The following SPATA22 variants were observed in gnomAD, a reference collection of about 807,000 sequenced individuals.
SPATA22 encodes spermatogenesis-associated protein 22.
Under a neutral mutation model 47.8 loss-of-function variants are expected in SPATA22, and 29 were observed. The observed-to-expected ratio is 0.61, with a 90% CI of 0.45 to 0.83. The LOEUF (loss-of-function observed/expected upper bound fraction) is 0.83. Among genes scored for constraint, SPATA22 ranks in the 40% least tolerant of loss-of-function variants. SPATA22 has a pLI of 0.00. For missense variants in SPATA22, 410 were observed against 421.7 expected, an observed-to-expected ratio of 0.97 and a Z score of 0.24; for synonymous variants, 133 against 140.9, an observed-to-expected ratio of 0.94 and a Z score of 0.40.
intron 5 of SPATA22, among the ~76,000 whole-genome samples, chr17:3,454,397 C>A (rs1276951163): frequency 7.3e-5 from 11 of 151,622 alleles, no homozygotes; most frequent in African/African-American, 2.7e-4. Context: ...TGTGCTGCAC[C>A]CATTAACTCA....
chr17:3,474,981 A>G (rs2073499930), upstream of SPATA22, among the ~76,000 whole-genome samples: 1 of 152,214 alleles, frequency 6.6e-6, no homozygotes, highest in African/African-American at 2.4e-5. Context: ...GGGGATGTCA[A>G]CACCTAACCC....
At chr17:3,491,877 C>CTTTTTT (rs540965896) in intron 1 of SPATA22, among the ~76,000 whole-genome samples, 4 of 123,056 alleles carry the variant, frequency 3.3e-5, no homozygotes, top group Non-Finnish European at 4.9e-5. Context: ...CTTTTGTTTT[C>CTTTTTT]TTTTTTTTTT....
intron 1 of SPATA22, among the ~76,000 whole-genome samples, chr17:3,484,948 C>T (rs892084113): frequency 6.6e-6 from 1 of 152,158 alleles, no homozygotes; most frequent in Admixed American, 6.5e-5. Flanking sequence ...TGTATGCTTA[C>T]TAAATATTAG....
rs144321760 is a variant in SPATA22 at position 3,483,575 on chromosome 17, T to C, written c.-73-14177A>G. ...CTCAAATATGCGACCACTCGTTCCATAGCCAAGTATCCTGTGGGTAAGTCA... is the reference window on the plus strand; with the variant it reads ...CTCAAATATGCGACCACTCGTTCCACAGCCAAGTATCCTGTGGGTAAGTCA... On this transcript the variant is annotated intron_variant, in intron 1 of 8. Coordinates refer to the SPATA22 transcript ENST00000541913. 7.1e-4 allele frequency: 1,144 copies of C among 1,613,502 alleles called. 1 individual carries two copies. The highest frequency in any genetic ancestry group is 9.2e-4 in the Non-Finnish European group (1,088 of 1,179,482).
In SPATA22 at chr17:3,471,677, C is replaced by T. The variant is rs114929279; in HGVS notation, c.-74+5G>A. 0.04 allele frequency: 39,598 copies of T among 985,324 alleles called. 2,562 individuals carry two copies. The highest frequency in any genetic ancestry group is 0.27 in the African/African-American group (15,232 of 57,238). 61.0% of individuals were successfully genotyped at this position (985,324 alleles called of 1,614,324 possible). ...CGGAGTGGGGGCAGTTTGGTATCAA[C>T]GCACAGTCTTTCCCTTCTAGGCCCT... On this transcript the variant is annotated splice_donor_5th_base_variant and intron_variant, in intron 1 of 8. Transcript: ENST00000572969.
At chr17:3,456,608 C>T (rs1244376419) in intron 5 of SPATA22, among the ~76,000 whole-genome samples, 2 of 152,164 alleles carry the variant, frequency 1.3e-5, no homozygotes, top group Non-Finnish European at 2.9e-5. Flanking sequence ...CAGCCGAATT[C>T]TACCAGAGGT....
At chr17:3,483,642 A>C (rs761939122) in intron 1 of SPATA22, 1 of 1,477,256 alleles carries the variant, frequency 6.8e-7, no homozygotes, top group Middle Eastern at 1.7e-4. Context: ...GTCCTAGCTG[A>C]AACTCAGAGA....
intron 1 of SPATA22, among the ~76,000 whole-genome samples, chr17:3,483,133 ATTGT>A (rs2073662925): frequency 6.6e-6 from 1 of 152,090 alleles, no homozygotes; most frequent in Non-Finnish European, 1.5e-5. Context: ...TAGAAACAGA[ATTGT>A]TTAAGAGACC....
rs1328315558 is a variant in SPATA22 at position 3,471,700 on chromosome 17, C to T, written c.-92G>A. The stretch of plus-strand genomic sequence containing the variant: ...AACGCACAGTCTTTCCCTTCTAGGC[C>T]CTCCTGCCAACACGACACACAACTT... On this transcript the variant is annotated 5_prime_UTR_variant, in exon 1 of 9. Transcript: ENST00000572969. 2.0e-6 allele frequency: 2 copies of T among 985,444 alleles called. No individual in the cohort carries two copies. Among genetic ancestry groups the T allele is most frequent in the African/African-American group, 3.5e-5 (2 of 57,254 alleles). 61.0% of individuals were successfully genotyped at this position (985,444 alleles called of 1,614,324 possible).
In SPATA22 at chr17:3,483,479, A is replaced by ACG. The variant is rs2150748563; in HGVS notation, c.-73-14083_-73-14082dup. ...AACATACGGTTTTTACCTAAGAAAG[A>ACG]CGTTTTTGATTTTTTTCAGACTTCT... is the stretch of plus-strand genomic sequence containing the variant. On this transcript the variant is annotated intron_variant, in intron 1 of 8. Transcript: ENST00000541913. 2 of 1,600,310 alleles carry ACG rather than the reference A, an allele frequency of 1.2e-6. No individual in the cohort carries two copies. Among genetic ancestry groups the ACG allele is most frequent in the Non-Finnish European group, 1.7e-6 (2 of 1,167,564 alleles).
chr17:3,443,546 A>G (rs1191175468), intron 7 of SPATA22, among the ~76,000 whole-genome samples: 2 of 152,032 alleles, frequency 1.3e-5, no homozygotes, highest in Non-Finnish European at 2.9e-5. Context: ...TTTCCTTAGA[A>G]TGTGTAGTAC....
chr17:3,452,287 TAA>T (rs764063365), intron 5 of SPATA22, among the ~76,000 whole-genome samples: 7 of 129,544 alleles, frequency 5.4e-5, no homozygotes, highest in Non-Finnish European at 6.6e-5. Flanking sequence ...AATAGAGAAT[TAA>T]AAAAAAAAAA....
chr17:3,448,054 C>T (rs949532280), intron 6 of SPATA22, among the ~76,000 whole-genome samples: 3 of 152,052 alleles, frequency 2.0e-5, no homozygotes, highest in Admixed American at 6.6e-5. Context: ...GAGCACTGAG[C>T]GTAGAGAGGA....
chr17:3,440,448 T>G, intron 8 of SPATA22, 110 bp from the exon 9 acceptor site: 2 of 876,190 alleles, frequency 2.3e-6, no homozygotes, highest in South Asian at 2.1e-5. Flanking sequence ...AATGCTATAA[T>G]TCCTTCACGT....
chr17:3,478,525 A>G (rs1449017017), intron 1 of SPATA22, among the ~76,000 whole-genome samples: 1 of 152,228 alleles, frequency 6.6e-6, no homozygotes, highest in East Asian at 1.9e-4. Flanking sequence ...TAACTTCTAT[A>G]TTACAAGTAA....
At chr17:3,440,431 AC>A in intron 8 of SPATA22, 93 bp from the exon 9 acceptor site, 1 of 1,055,730 alleles carries the variant, frequency 9.5e-7, no homozygotes, top group African/African-American at 1.6e-5. Context: ...AACATGTGCC[AC>A]CTCAAAATGC....
intron 1 of SPATA22, among the ~76,000 whole-genome samples, chr17:3,509,178 G>A (rs1412217457): frequency 6.6e-6 from 1 of 151,860 alleles, no homozygotes; most frequent in Non-Finnish European, 1.5e-5. Context: ...ATGATGGATA[G>A]AGCCCTCATT....
intron 5 of SPATA22, among the ~76,000 whole-genome samples, chr17:3,453,405 T>C (rs1034146263): frequency 1.3e-5 from 2 of 152,038 alleles, no homozygotes; most frequent in African/African-American, 4.8e-5. Context: ...AGTAGCAGAA[T>C]TAAAGACAAA....
At chr17:3,500,647 T>G (rs1043678253) in intron 1 of SPATA22, 3 of 152,186 alleles carry the variant, frequency 2.0e-5, no homozygotes, top group African/African-American at 7.2e-5. Context: ...AGATTACAGG[T>G]GCCTGCCACC....
Sources: gnomAD v4.1 joint callset for allele counts (sites outside exome capture counted in the v4.1 genomes callset) on GRCh38, gnomAD v4.1.1 for gene constraint, MANE v1.5 for transcripts, NCBI Gene and HGNC (gene_info 2026-07-23, HGNC 2026-07-21) for gene names.